MMP16: variants seen among roughly 807,000 people sequenced by gnomAD.
The protein encoded by MMP16 is matrix metallopeptidase 16, also known as matrix metalloproteinase-16.
Under a neutral mutation model 67.8 loss-of-function variants are expected in MMP16, and 12 were observed. That is an observed-to-expected ratio of 0.18 (90% confidence interval 0.11 to 0.29). The LOEUF (loss-of-function observed/expected upper bound fraction) is 0.29, where lower values mean the gene tolerates loss of function less well. Ranked by LOEUF, MMP16 falls within the 10% of genes least tolerant of loss-of-function variation. The pLI, the probability that MMP16 is intolerant of heterozygous loss-of-function variation, is 1.00. For synonymous variants in MMP16, 249 were observed against 255.9 expected, an observed-to-expected ratio of 0.97 and a Z score of 0.26; for missense variants, 475 against 765.7, an observed-to-expected ratio of 0.62 and a Z score of 4.48.
chr8:88,250,585 G>C (rs1432732061), intron 1 of MMP16, among the ~76,000 whole-genome samples: 4 of 151,760 alleles, frequency 2.6e-5, no homozygotes, highest in Admixed American at 1.3e-4. Flanking sequence ...CAAAAATCAT[G>C]AACAATATCT....
At chr8:88,103,689 CTTT>C (rs1252562975) in intron 6 of MMP16, among the ~76,000 whole-genome samples, 2 of 151,750 alleles carry the variant, frequency 1.3e-5, no homozygotes, top group Non-Finnish European at 2.9e-5. Flanking sequence ...AGCTGACAAA[CTTT>C]GCTATATGAC....
At position 88,126,451 on chromosome 8, in the gene MMP16, T is replaced by C. The variant is rs551137145; in HGVS notation, c.710-7590A>G. On this transcript the variant is annotated intron_variant, in intron 4 of 9. Transcript: ENST00000286614. ...CTGTAAGACATACTGGGGTACAAAC[T>C]GTCAGTTATAAGATAAATAAATTAT... Among the ~76,000 whole-genome samples, 3 of 152,054 alleles carry C rather than the reference T, an allele frequency of 2.0e-5. No homozygotes were observed. In the South Asian group the frequency reaches 6.2e-4, roughly 31 times the overall value.
In MMP16 at chr8:88,056,223, G is replaced by A; in HGVS notation, c.1278C>T (p.Asp426=). ...DTTLQPGYPH[D]LITLGSGIPP... ...GAATTCCACTTCCAAGGGTTATCAAGTCATGAGGGTAACCAGGTTGAAGAG... is the reference window on the plus strand; with the variant it reads ...GAATTCCACTTCCAAGGGTTATCAAATCATGAGGGTAACCAGGTTGAAGAG... Residue 426 remains aspartate, a synonymous_variant, in exon 8 of 10, where the codon GAC becomes GAT. Transcript: ENST00000286614. 6.2e-7 allele frequency: 1 copy of A among 1,600,574 alleles called. No individual in the cohort carries two copies.
At position 88,308,732 on chromosome 8, in the gene MMP16, A is replaced by G. The variant is rs773896256; in HGVS notation, c.132+18343T>C. Among the ~76,000 whole-genome samples the G allele has an allele frequency of 6.6e-5, 10 of 152,098 alleles. 1 individual carries two copies. Among genetic ancestry groups the G allele is most frequent in the Middle Eastern group, 6.3e-3 (2 of 316 alleles). On this transcript the variant is annotated intron_variant, in intron 1 of 9. Transcript: ENST00000286614. ...AAAGTTTTGAAATGCTGCAGATTTGAAACATAATACAAAACTGAAAGTTAT... is the reference window on the plus strand; with the variant it reads ...AAAGTTTTGAAATGCTGCAGATTTGGAACATAATACAAAACTGAAAGTTAT...
At chr8:88,262,730 C>T (rs911684955) in intron 1 of MMP16, among the ~76,000 whole-genome samples, 2 of 151,054 alleles carry the variant, frequency 1.3e-5, no homozygotes, top group East Asian at 1.9e-4. Flanking sequence ...AGGCTGGGTG[C>T]GGTGGCTCAA....
chr8:88,113,373 T>C (rs1809373315), intron 6 of MMP16, among the ~76,000 whole-genome samples: 1 of 151,714 alleles, frequency 6.6e-6, no homozygotes, highest in African/African-American at 2.4e-5. Flanking sequence ...AAATAAGTGT[T>C]GATGGGCAAG....
At chr8:88,049,068 G>T (rs1808235734) in intron 8 of MMP16, among the ~76,000 whole-genome samples, 1 of 152,160 alleles carries the variant, frequency 6.6e-6, no homozygotes, top group South Asian at 2.1e-4. Flanking sequence ...AATGCCCAAA[G>T]AGGAGTTTAC....
At chr8:88,165,178 TAAAAAAAAAAAAAAA>T (rs11325157) in intron 4 of MMP16, among the ~76,000 whole-genome samples, 2 of 95,262 alleles carry the variant, frequency 2.1e-5, no homozygotes, top group African/African-American at 8.2e-5. Flanking sequence ...ACCCCATCTC[TAAAAAAAAAAAAAAA>T]AAAAAAGAAA....
At chr8:88,114,386 G>C (rs1199402954) in intron 6 of MMP16, among the ~76,000 whole-genome samples, 1 of 151,694 alleles carries the variant, frequency 6.6e-6, no homozygotes, top group African/African-American at 2.4e-5. Flanking sequence ...AAAATTTCCT[G>C]TTTGATTAGA....
chr8:88,285,737 A>G (rs1270122387), intron 1 of MMP16, among the ~76,000 whole-genome samples: 2 of 152,150 alleles, frequency 1.3e-5, no homozygotes, highest in Non-Finnish European at 2.9e-5. Context: ...TTGCAGTAAA[A>G]TATATACATC....
At chr8:88,320,094 C>A (rs919910492) in intron 1 of MMP16, among the ~76,000 whole-genome samples, 10 of 152,166 alleles carry the variant, frequency 6.6e-5, no homozygotes, top group African/African-American at 2.4e-4. Context: ...ATCTGCTCAA[C>A]TAAAAACATT....
At chr8:88,243,588 C>T (rs1047495308) in intron 1 of MMP16, among the ~76,000 whole-genome samples, 7 of 152,142 alleles carry the variant, frequency 4.6e-5, no homozygotes, top group Non-Finnish European at 8.8e-5. Flanking sequence ...AGATAGTAGA[C>T]GCTTAAAAGT....
At chr8:88,159,186 T>G (rs1460926716) in intron 4 of MMP16, among the ~76,000 whole-genome samples, 1 of 152,220 alleles carries the variant, frequency 6.6e-6, no homozygotes, top group Non-Finnish European at 1.5e-5. Flanking sequence ...AAACTAGTTT[T>G]TTCCAATTCT....
chr8:88,278,464 G>A (rs1398266431), intron 1 of MMP16, among the ~76,000 whole-genome samples: 1 of 152,108 alleles, frequency 6.6e-6, no homozygotes, highest in Admixed American at 6.5e-5. Flanking sequence ...GAAGTATAAG[G>A]CTGGGGTAAA....
chr8:88,126,142 GAA>G (rs1341786123), intron 4 of MMP16, among the ~76,000 whole-genome samples: 1 of 151,752 alleles, frequency 6.6e-6, no homozygotes, highest in Non-Finnish European at 1.5e-5. Flanking sequence ...TATGTGCAAG[GAA>G]ATATATGCAG....
At chr8:88,197,359 T>G in intron 1 of MMP16, 53 bp from the exon 2 acceptor site, 12 of 1,450,222 alleles carry the variant, frequency 8.3e-6, no homozygotes, top group Non-Finnish European at 1.1e-5. Flanking sequence ...TTAACAATAA[T>G]TTTCTGGTAA....
intron 1 of MMP16, among the ~76,000 whole-genome samples, chr8:88,303,010 G>A (rs1811128574): frequency 1.3e-5 from 2 of 152,314 alleles, no homozygotes; most frequent in South Asian, 4.1e-4. Context: ...TGCAACCAGT[G>A]GATCAGGAGA....
At chr8:88,223,405 G>T (rs925423422) in intron 1 of MMP16, among the ~76,000 whole-genome samples, 17 of 151,976 alleles carry the variant, frequency 1.1e-4, no homozygotes, top group Admixed American at 2.0e-4. Context: ...TATGTTTATT[G>T]TGTCACTATT....
intron 1 of MMP16, among the ~76,000 whole-genome samples, chr8:88,275,199 T>C (rs1810626477): frequency 6.6e-6 from 1 of 151,992 alleles, no homozygotes; most frequent in Non-Finnish European, 1.5e-5. Flanking sequence ...CATTATTTTG[T>C]GTGAATCTAA....
Sources: gnomAD v4.1 joint callset for allele counts (sites outside exome capture counted in the v4.1 genomes callset) on GRCh38, gnomAD v4.1.1 for gene constraint, MANE v1.5 for transcripts, NCBI Gene and HGNC (gene_info 2026-07-23, HGNC 2026-07-21) for gene names.